Variants in CPLX1 observed in about 807,000 individuals in gnomAD.
CPLX1 encodes complexin-1.
CPLX1 carries 6 observed loss-of-function variants against 15.6 expected under a neutral mutation model. The ratio of observed to expected loss-of-function variants is 0.39; its 90% CI spans 0.21 to 0.76. The LOEUF (loss-of-function observed/expected upper bound fraction) is 0.76, where lower values mean the gene tolerates loss of function less well. CPLX1 is among the 30% of genes least tolerant of loss of function. CPLX1 has a pLI of 0.43. For synonymous variants in CPLX1, 91 were observed against 75.2 expected, an observed-to-expected ratio of 1.21 and a Z score of -1.08; for missense variants, 242 against 188.6, an observed-to-expected ratio of 1.28 and a Z score of -1.66.
intron 3 of CPLX1, 109 bp downstream of exon 3, chr4:792,324 A>AG: frequency 1.0e-6 from 1 of 954,874 alleles, no homozygotes; most frequent in South Asian, 1.9e-5. Flanking sequence ...TAGGAGGCCC[A>AG]GGGGGACGCC....
intron 2 of CPLX1, among the ~76,000 whole-genome samples, chr4:821,486 G>A (rs529041614): frequency 6.6e-6 from 1 of 152,338 alleles, no homozygotes; most frequent in East Asian, 1.9e-4. Context: ...CAAGGCGGAG[G>A]ATGGGAGAGC....
intron 2 of CPLX1, 87 bp from the exon 3 acceptor site, chr4:792,695 C>G (rs1746220852): frequency 7.0e-7 from 1 of 1,437,950 alleles, no homozygotes; most frequent in African/African-American, 1.4e-5. Flanking sequence ...CACCTTCTGG[C>G]CGACCCCCCA....
At chr4:813,954 C>T (rs1460749181) in intron 2 of CPLX1, among the ~76,000 whole-genome samples, 3 of 152,228 alleles carry the variant, frequency 2.0e-5, no homozygotes, top group Non-Finnish European at 2.9e-5. Context: ...AAGAAAGCTG[C>T]AAGCTAAATG....
rs1745987397 is a variant in CPLX1 at position 786,360 on chromosome 4, C to T, written c.*141G>A. On this transcript the variant is annotated 3_prime_UTR_variant, in exon 4 of 4. Coordinates refer to ENST00000304062, the MANE Select transcript of CPLX1 (RefSeq NM_006651.4). The stretch of plus-strand genomic sequence containing the variant: ...CGCGCCCCTTGCCGGGTGAGGGAGG[C>T]GGCGGGCGCGGGCAGGGCGGGCCTG... 4 of 893,056 alleles carry T rather than the reference C, an allele frequency of 4.5e-6. No individual in the cohort carries two copies. The highest frequency in any genetic ancestry group is 2.4e-5 in the South Asian group (1 of 41,066). The allele number at this position is 893,056 out of a possible 1,614,324, so 55.3% of individuals were successfully genotyped here.
At chr4:812,579 C>T (rs1037751725) in intron 2 of CPLX1, among the ~76,000 whole-genome samples, 9 of 152,200 alleles carry the variant, frequency 5.9e-5, no homozygotes, top group East Asian at 3.9e-4. Context: ...GACAGAATAC[C>T]GCTCGAATCC....
At chr4:824,928 C>T in intron 1 of CPLX1, 1 of 383,362 alleles carries the variant, frequency 2.6e-6, no homozygotes, top group South Asian at 2.0e-5. Context: ...AAGGTGACTG[C>T]TCCGCTCTGC....
chr4:799,174 A>G (rs1054322062), intron 2 of CPLX1, among the ~76,000 whole-genome samples: 3 of 152,226 alleles, frequency 2.0e-5, no homozygotes, highest in Non-Finnish European at 4.4e-5. Flanking sequence ...GTGAGTCATA[A>G]GCCCTCATTT....
chr4:789,132 G>A (rs1315533678), intron 3 of CPLX1, among the ~76,000 whole-genome samples: 2 of 152,246 alleles, frequency 1.3e-5, no homozygotes, highest in African/African-American at 4.8e-5. Flanking sequence ...TGAGGGCCAG[G>A]GTCACTCTGC....
At chr4:804,832 T>C (rs1005784295) in intron 2 of CPLX1, 12 of 984,454 alleles carry the variant, frequency 1.2e-5, no homozygotes, top group East Asian at 1.1e-4. Flanking sequence ...CCGGCAAGCG[T>C]GGGGAGCGAC....
At position 786,581 on chromosome 4, in the gene CPLX1, C is replaced by T. The variant is rs1745997854; in HGVS notation, c.325G>A (p.Val109Met). The T allele has an allele frequency of 1.2e-6, 2 of 1,610,950 alleles. No individual in the cohort carries two copies. Among genetic ancestry groups the T allele is most frequent in the Non-Finnish European group, 1.7e-6 (2 of 1,178,770 alleles). ...KAIPPGCGDE[V>M]EEEDESILDT... ...AGGATGCTCTCGTCCTCCTCCTCCA[C>T]CTCGTCCCCGCAGCCCGGCGGGATG... is the stretch of plus-strand genomic sequence containing the variant. The change falls in exon 4 of 4, where the codon GTG (valine) becomes ATG (methionine). Residue 109 changes from valine (V) to methionine (M), a missense_variant. Physicochemically the swap from Val to Met is conservative, Grantham distance 21. Coordinates refer to ENST00000304062, the MANE Select transcript of CPLX1 (RefSeq NM_006651.4).
chr4:786,686 T>C lies in CPLX1; in HGVS notation c.220A>G (p.Lys74Glu). The C allele has an allele frequency of 6.2e-7, 1 of 1,604,990 alleles. No individual in the cohort carries two copies. Among genetic ancestry groups the C allele is most frequent in the Non-Finnish European group, 8.5e-7 (1 of 1,175,528 alleles). The change falls in exon 4 of 4, where the codon AAG becomes GAG. Residue 74 changes from lysine to glutamate, a missense_variant. By Grantham distance (56) the Lys-to-Glu change is moderately conservative (BLOSUM62 1). Coordinates refer to ENST00000304062, the MANE Select transcript of CPLX1 (RefSeq NM_006651.4). ...GCCTCGGCCTCGCGCTCCTCCTTCT[T>C]CTTGATGCCGTACTGCGGGGGAGGC... is the stretch of plus-strand genomic sequence containing the variant. ...QGIRDKYGIK[K>E]KEEREAEAQA... is the part of the protein sequence containing the mutation.
rs566239637 is a variant in CPLX1, at chr4:822,070, C to G, written c.31+2422G>C. Among the ~76,000 whole-genome samples the G allele has an allele frequency of 2.6e-5, 4 of 152,258 alleles. No homozygotes were observed. The East Asian group carries it at 7.7e-4, about 29-fold the overall frequency. On this transcript the variant is annotated intron_variant, in intron 2 of 3. Coordinates refer to ENST00000304062, the MANE Select transcript of CPLX1 (RefSeq NM_006651.4). Reference sequence around the variant, plus strand: ...TCTTAGCAGTTCATTTCTAATGCGTCTCTCTCCCCACTGTCTCTCCCTCTG... The same window carrying G: ...TCTTAGCAGTTCATTTCTAATGCGTGTCTCTCCCCACTGTCTCTCCCTCTG...
At position 786,336 on chromosome 4, in the gene CPLX1, G is replaced by T. The variant is rs1271028816; in HGVS notation, c.*165C>A. ...CGGACTGGGGGGGTCCTGGGGGCGC[G>T]CGCCCCTTGCCGGGTGAGGGAGGCG... is the stretch of plus-strand genomic sequence containing the variant. On this transcript the variant is annotated 3_prime_UTR_variant, in exon 4 of 4. Transcript: ENST00000304062. The T allele has an allele frequency of 6.4e-6, 4 of 625,982 alleles. No individual in the cohort carries two copies. Among genetic ancestry groups the T allele is most frequent in the Non-Finnish European group, 9.9e-6 (4 of 403,994 alleles). 38.8% of individuals were successfully genotyped at this position (625,982 alleles called of 1,614,324 possible).
chr4:788,591 GC>G, intron 3 of CPLX1: 1 of 985,460 alleles, frequency 1.0e-6, no homozygotes, highest in South Asian at 4.7e-5. Context: ...CCAGAACAAA[GC>G]CCTGACCCTG....
chr4:788,085 C>T (rs368040964), intron 3 of CPLX1: 38 of 985,396 alleles, frequency 3.9e-5, no homozygotes, highest in Admixed American at 2.5e-4. Flanking sequence ...AGGAGCACAC[C>T]GCGGGATCAC....
At chr4:788,088 G>A (rs1029815018) in intron 3 of CPLX1, 126 of 985,262 alleles carry the variant, frequency 1.3e-4, no homozygotes, top group Non-Finnish European at 1.4e-4. Context: ...AGCACACCGC[G>A]GGATCACCAG....
At chr4:799,534 T>C (rs190795287) in intron 2 of CPLX1, among the ~76,000 whole-genome samples, 218 of 152,304 alleles carry the variant, frequency 1.4e-3, no homozygotes, top group Middle Eastern at 6.8e-3. Flanking sequence ...GGCCTGGCCA[T>C]GTGTCTCTTC....
intron 3 of CPLX1, chr4:786,935 G>A: frequency 1.0e-6 from 1 of 980,264 alleles, no homozygotes; most frequent in South Asian, 4.7e-5. Context: ...AGCAGGGAGG[G>A]GGAGGCTCCC....
At chr4:804,616 T>C in intron 2 of CPLX1, 1 of 423,544 alleles carries the variant, frequency 2.4e-6, no homozygotes, top group Non-Finnish European at 3.2e-6. Flanking sequence ...TGTGCAATTG[T>C]ATGTAATCCG....
Sources: gnomAD v4.1 joint callset for allele counts (sites outside exome capture counted in the v4.1 genomes callset) on GRCh38, gnomAD v4.1.1 for gene constraint, MANE v1.5 for transcripts, NCBI Gene and HGNC (gene_info 2026-07-23, HGNC 2026-07-21) for gene names.